The following NPHP4 variants were observed in gnomAD, a reference collection of about 807,000 sequenced individuals.
NPHP4 encodes the protein nephrocystin-4.
A neutral mutation model predicts 155.8 loss-of-function variants in NPHP4; 151 were observed. The observed-to-expected ratio is 0.97, with a 90% confidence interval of 0.85 to 1.11. NPHP4 has a LOEUF of 1.11. Ranked by LOEUF, NPHP4 falls within the 50% of genes least tolerant of loss-of-function variation. The pLI is 0.00. For synonymous variants in NPHP4, 845 were observed against 816.8 expected (o/e 1.03, Z -0.59); for missense variants, 1,956 against 1,925.7 (o/e 1.02, Z -0.29).
chr1:5,896,087 T>C (rs1644383491), intron 16 of NPHP4, among the ~76,000 whole-genome samples: 3 of 152,140 alleles, frequency 2.0e-5, no homozygotes, highest in Non-Finnish European at 4.4e-5. Flanking sequence ...GAAAATAAAA[T>C]GTAAATGTTT....
At chr1:5,935,721 A>G (rs1205379666) in intron 9 of NPHP4, among the ~76,000 whole-genome samples, 1 of 152,194 alleles carries the variant, frequency 6.6e-6, no homozygotes, top group Non-Finnish European at 1.5e-5. Context: ...GTAAAAATAC[A>G]AAAATCAGCT....
intron 19 of NPHP4, among the ~76,000 whole-genome samples, chr1:5,878,218 C>A (rs956263925): frequency 6.6e-6 from 1 of 152,212 alleles, no homozygotes; most frequent in African/African-American, 2.4e-5. Flanking sequence ...ATGGGCACCC[C>A]CTGCAGAAGC....
chr1:5,896,244 C>T (rs538474145), intron 16 of NPHP4, among the ~76,000 whole-genome samples: 1 of 152,012 alleles, frequency 6.6e-6, no homozygotes, highest in Non-Finnish European at 1.5e-5. Flanking sequence ...CACTGGGCTA[C>T]GGTGTTCAAC....
chr1:5,883,196 C>T (rs576984014), intron 18 of NPHP4, among the ~76,000 whole-genome samples: 3 of 152,348 alleles, frequency 2.0e-5, no homozygotes, highest in East Asian at 3.9e-4. Context: ...GAAGGGACGG[C>T]AGCCTGAACC....
At chr1:5,946,953 C>T in intron 9 of NPHP4, 151 bp downstream of exon 9, 1 of 849,006 alleles carries the variant, frequency 1.2e-6, no homozygotes, top group Non-Finnish European at 1.9e-6. Flanking sequence ...TCCTTACAAT[C>T]AGCTGATAAA....
In NPHP4 at chr1:5,875,381, G is replaced by A. The variant is rs184791745; in HGVS notation, c.2818-281C>T. Among the ~76,000 whole-genome samples, 8 of 152,304 alleles carry A rather than the reference G, an allele frequency of 5.3e-5. No homozygotes were observed. The East Asian group carries it at 1.5e-3, about 29-fold the overall frequency. Reference sequence around the variant, plus strand: ...TTCCTGAGAGACTCTTCACAGACACGAGTCTGGCCCCCCGCACGGTGGAGA... The same window carrying A: ...TTCCTGAGAGACTCTTCACAGACACAAGTCTGGCCCCCCGCACGGTGGAGA... On this transcript the variant is annotated intron_variant, in intron 20 of 29. Transcript: ENST00000378156.
intron 11 of NPHP4, among the ~76,000 whole-genome samples, chr1:5,921,365 T>C (rs908041448): frequency 6.0e-4 from 92 of 152,360 alleles, no homozygotes; most frequent in Middle Eastern, 3.4e-3. Context: ...CGTCTGGAAA[T>C]GGCACTTCTG....
chr1:5,933,024 A>G (rs1646356111), intron 10 of NPHP4, 123 bp downstream of exon 10: 3 of 734,282 alleles, frequency 4.1e-6, no homozygotes, highest in Non-Finnish European at 6.7e-6. Flanking sequence ...AGGCATACCC[A>G]TGACATGAAA....
chr1:5,941,815 T>C (rs1384338094), intron 9 of NPHP4, among the ~76,000 whole-genome samples: 9 of 152,282 alleles, frequency 5.9e-5, no homozygotes, highest in African/African-American at 1.9e-4. Flanking sequence ...CCATGTGCGC[T>C]TGATGGACAA....
Position 5,973,856 on chromosome 1 carries a change from C to T in NPHP4, c.279+4414G>A, listed in dbSNP as rs114480109. 5.4e-3 allele frequency among the ~76,000 whole-genome samples: 817 copies of T among 152,342 alleles called. 8 individuals are homozygous for T. Among genetic ancestry groups the T allele is most frequent in the African/African-American group, 0.018 (738 of 41,574 alleles). On this transcript the variant is annotated intron_variant, in intron 3 of 29. Coordinates refer to ENST00000378156, the MANE Select transcript of NPHP4 (RefSeq NM_015102.5). ...TGCAAACAGACAGGCACACAGGGCC[C>T]GAGTTGGCCTCCTAGAGCCATAGAG...
chr1:5,875,583 C>T (rs567158087), intron 20 of NPHP4, among the ~76,000 whole-genome samples: 35 of 152,366 alleles, frequency 2.3e-4, no homozygotes, highest in Admixed American at 7.8e-4. Flanking sequence ...GCAAGCAGCA[C>T]GCTGCCTCAG....
chr1:5,878,825 T>C (rs1473837170), intron 19 of NPHP4, among the ~76,000 whole-genome samples: 2 of 152,150 alleles, frequency 1.3e-5, no homozygotes, highest in East Asian at 1.9e-4. Flanking sequence ...CAGGGACTTC[T>C]CTCTAAGGAG....
Position 5,880,168 on chromosome 1 carries a change from C to A in NPHP4, c.2557G>T (p.Asp853Tyr), listed in dbSNP as rs199875059. ...PPSRSRVISNDGASRFSGGSL... is the reference protein window; with the variant it reads ...PPSRSRVISNYGASRFSGGSL... ...CCTCCAGAGAAGCGGCTGGCTCCAT[C>A]GTTTGAGATGACCCGAGATCTGGAC... The change falls in exon 19 of 30, where the codon GAT becomes TAT. Residue 853 changes from aspartate (D) to tyrosine (Y), a missense_variant. Transcript: ENST00000378156. 5.8e-4 allele frequency: 935 copies of A among 1,613,514 alleles called. 11 individuals are homozygous for A. Among genetic ancestry groups the A allele is most frequent in the Non-Finnish European group, 1.2e-4 (139 of 1,179,750 alleles).
rs1652076881 is a variant in NPHP4, at chr1:5,969,092, G to C, written c.447C>G (p.Asp149Glu). The C allele has an allele frequency of 6.5e-7, 1 of 1,545,308 alleles. No homozygotes were observed. Among genetic ancestry groups the C allele is most frequent in the Non-Finnish European group, 8.8e-7 (1 of 1,141,770 alleles). The change falls in exon 4 of 30, where the codon GAC (aspartate) becomes GAG (glutamate). Residue 149 changes from aspartate (D) to glutamate (E), a missense_variant. By Grantham distance (45) the Asp-to-Glu change is conservative (BLOSUM62 2). Coordinates refer to ENST00000378156, the MANE Select transcript of NPHP4 (RefSeq NM_015102.5). Reference sequence around the variant, plus strand: ...TGTAGAAACAAGGCAGGTACCTTTTGTCCTGGGAAGCAGAGATAGGAGAGT... The same window carrying C: ...TGTAGAAACAAGGCAGGTACCTTTTCTCCTGGGAAGCAGAGATAGGAGAGT... ...QPDSPISASQDKRLRLYHGTP... is the reference protein window; with the variant it reads ...QPDSPISASQEKRLRLYHGTP...
chr1:5,967,049 G>A (rs1480508695), intron 5 of NPHP4, among the ~76,000 whole-genome samples: 1 of 152,206 alleles, frequency 6.6e-6, no homozygotes, highest in African/African-American at 2.4e-5. Flanking sequence ...CCTCCCTCCA[G>A]GTGGCTCTCA....
rs372786437 is a variant in NPHP4 at position 5,889,104 on chromosome 1, G to A, written c.2305-1638C>T. 3.9e-5 allele frequency among the ~76,000 whole-genome samples: 6 copies of A among 152,298 alleles called. No individual in the cohort carries two copies. The highest frequency in any genetic ancestry group is 3.9e-4 in the East Asian group (2 of 5,186). On this transcript the variant is annotated intron_variant, in intron 17 of 29. Coordinates refer to ENST00000378156, the MANE Select transcript of NPHP4 (RefSeq NM_015102.5). The surrounding 1 kb of genome is among the most constrained non-coding windows in gnomAD (Gnocchi z 4.2). ...GTCCCTAGAGGAAACTCTTCTCATC[G>A]TCGTAGCAACGTGTTACGGCCAGCA...
At chr1:5,927,532 C>G in intron 11 of NPHP4, 117 bp downstream of exon 11, 1 of 1,149,382 alleles carries the variant, frequency 8.7e-7, no homozygotes, top group Non-Finnish European at 1.2e-6. Flanking sequence ...ATGCAATCTA[C>G]GACGATTATC....
intron 5 of NPHP4, among the ~76,000 whole-genome samples, chr1:5,963,668 G>T (rs985142791): frequency 4.7e-5 from 7 of 149,302 alleles, no homozygotes; most frequent in Admixed American, 4.1e-4. Flanking sequence ...CACTGCAACG[G>T]GGTTTCCAAC....
At chr1:5,926,508 T>C (rs920863503) in intron 11 of NPHP4, among the ~76,000 whole-genome samples, 9 of 152,212 alleles carry the variant, frequency 5.9e-5, no homozygotes, top group Non-Finnish European at 4.4e-5. Flanking sequence ...ACAGACTCTT[T>C]TTTTCTTGTC....
Sources: allele counts gnomAD v4.1 joint callset (sites outside exome capture counted in the v4.1 genomes callset), GRCh38; gene constraint gnomAD v4.1.1; non-coding constraint Gnocchi (gnomAD v3.1); transcripts MANE v1.5; gene names NCBI Gene and HGNC (gene_info 2026-07-23, HGNC 2026-07-21).